Variants in BFSP2 observed in about 807,000 individuals in gnomAD.
BFSP2 encodes the protein phakinin.
A neutral mutation model predicts 44.9 loss-of-function variants in BFSP2; 38 were observed. That is an observed-to-expected ratio of 0.85 (90% CI 0.65 to 1.11). The LOEUF (loss-of-function observed/expected upper bound fraction) is 1.11, where lower values mean the gene tolerates loss of function less well. BFSP2 is among the 50% of genes least tolerant of loss of function. The probability of loss-of-function intolerance (pLI) is 0.00; values close to 1 mark genes in which losing one functional copy is unlikely to be tolerated. For synonymous variants in BFSP2, 197 were observed against 209.9 expected (o/e 0.94, Z 0.53); for missense variants, 525 against 533.0 (o/e 0.99, Z 0.15).
At chr3:133,428,825 C>T (rs61008520) in intron 1 of BFSP2, among the ~76,000 whole-genome samples, 28,404 of 152,186 alleles carry the variant, frequency 0.19, 4,013 homozygotes, top group African/African-American at 0.4. Flanking sequence ...TCTGACCTGC[C>T]TTCTCCATCA....
chr3:133,454,000 C>A (rs2073990691), intron 4 of BFSP2, among the ~76,000 whole-genome samples: 1 of 152,152 alleles, frequency 6.6e-6, no homozygotes, highest in African/African-American at 2.4e-5. Flanking sequence ...ATGACAGGAT[C>A]AGATTGGTCC....
At chr3:133,454,783 T>G (rs1173321956) in intron 4 of BFSP2, among the ~76,000 whole-genome samples, 1 of 152,248 alleles carries the variant, frequency 6.6e-6, no homozygotes, top group Non-Finnish European at 1.5e-5. Flanking sequence ...GACTCTATTA[T>G]AATAACACTT....
chr3:133,457,872 A>T (rs2074026456), intron 4 of BFSP2, among the ~76,000 whole-genome samples: 1 of 152,190 alleles, frequency 6.6e-6, no homozygotes, highest in South Asian at 2.1e-4. Context: ...GATGCCCCAG[A>T]ATTTGTTTAG....
At chr3:133,410,993 C>T (rs534789793) in intron 1 of BFSP2, 4 of 152,204 alleles carry the variant, frequency 2.6e-5, no homozygotes, top group African/African-American at 9.7e-5. Context: ...TGAGCCACTT[C>T]CAAGTGAATC....
intron 1 of BFSP2, among the ~76,000 whole-genome samples, chr3:133,430,251 A>T (rs2073699134): frequency 6.6e-6 from 1 of 152,024 alleles, no homozygotes; most frequent in Admixed American, 6.5e-5. Flanking sequence ...CATGATTTAT[A>T]ATCCTTTGGG....
At chr3:133,430,223 C>T (rs1230194023) in intron 1 of BFSP2, among the ~76,000 whole-genome samples, 1 of 152,004 alleles carries the variant, frequency 6.6e-6, no homozygotes, top group African/African-American at 2.4e-5. Context: ...CATACGTGTG[C>T]ATGTGTCTTT....
At chr3:133,470,609 T>C (rs1400365300) in intron 5 of BFSP2, among the ~76,000 whole-genome samples, 1 of 152,178 alleles carries the variant, frequency 6.6e-6, no homozygotes. Flanking sequence ...GAAAGAAGTT[T>C]CCAGTCTAAT....
At chr3:133,472,280 A>G (rs1418590454) in intron 5 of BFSP2, 65 bp from the exon 6 acceptor site, 52 of 1,527,438 alleles carry the variant, frequency 3.4e-5, no homozygotes, top group Non-Finnish European at 4.2e-5. Flanking sequence ...ACTGCTCTGC[A>G]CACCTCCCTC....
At chr3:133,409,078 CGAA>C (rs1321281248) in intron 1 of BFSP2, among the ~76,000 whole-genome samples, 9 of 152,258 alleles carry the variant, frequency 5.9e-5, no homozygotes, top group Non-Finnish European at 1.0e-4. Context: ...CATAGTCACA[CGAA>C]GAAGAACTAT....
At chr3:133,431,508 C>T (rs2107905646) in intron 1 of BFSP2, among the ~76,000 whole-genome samples, 1 of 152,268 alleles carries the variant, frequency 6.6e-6, no homozygotes, top group Middle Eastern at 3.4e-3. Context: ...TCGGACTGTT[C>T]AACTCACCTG....
In BFSP2 at chr3:133,425,991, AGGGC is replaced by A. The variant is rs2073650022; in HGVS notation, c.490-21325_490-21322del. 9.1e-5 allele frequency among the ~76,000 whole-genome samples: 3 copies of A among 33,036 alleles called. 1 individual carries two copies. Among genetic ancestry groups the A allele is most frequent in the Non-Finnish European group, 1.6e-4 (3 of 18,666 alleles). The allele number at this position is 33,036 out of a possible 152,430, so 21.7% of individuals were successfully genotyped here. The stretch of plus-strand genomic sequence containing the variant: ...GGGATGGGGGAGGGGAAGGCAGGGC[AGGGC>A]AGGGCAGGGAAAGGAAGGGAAGGGA... On this transcript the variant is annotated intron_variant, in intron 1 of 6. Coordinates refer to ENST00000302334, the MANE Select transcript of BFSP2 (RefSeq NM_003571.4).
chr3:133,405,118 G>A (rs2073393594), intron 1 of BFSP2, among the ~76,000 whole-genome samples: 1 of 152,216 alleles, frequency 6.6e-6, no homozygotes, highest in Non-Finnish European at 1.5e-5. Flanking sequence ...TGGGGTCAGA[G>A]GAGCAGCCCT....
intron 1 of BFSP2, among the ~76,000 whole-genome samples, chr3:133,439,207 C>A (rs539502972): frequency 6.6e-6 from 1 of 152,172 alleles, no homozygotes; most frequent in Admixed American, 6.5e-5. Flanking sequence ...TGCTTCTATG[C>A]GGGGTTTTTA....
rs990902025 is a variant in BFSP2, at chr3:133,448,734, C to T, written c.729+89C>T. 23 of 1,502,366 alleles carry T rather than the reference C, an allele frequency of 1.5e-5. No individual in the cohort carries two copies. The African/African-American group carries it at 2.6e-4, about 17-fold the overall frequency. 93.1% of individuals were successfully genotyped at this position (1,502,366 alleles called of 1,614,324 possible). A position where few individuals can be genotyped will look rare whatever the true frequency, so the allele number is the denominator to read the frequency against. ...GCTTCATAACAAGGCCACAGTAGCT[C>T]ATTTCTGACTCTCCACATTGCGTGC... On this transcript the variant is annotated intron_variant, in intron 3 of 6. Coordinates refer to ENST00000302334, the MANE Select transcript of BFSP2 (RefSeq NM_003571.4).
intron 1 of BFSP2, among the ~76,000 whole-genome samples, chr3:133,430,066 C>A (rs2073696724): frequency 1.3e-5 from 2 of 151,450 alleles, no homozygotes; most frequent in Non-Finnish European, 2.9e-5. Flanking sequence ...TCATCCATGT[C>A]CCTACAAAGG....
At position 133,452,462 on chromosome 3, in the gene BFSP2, C is replaced by T. The variant is rs76212390; in HGVS notation, c.891+1998C>T. Among the ~76,000 whole-genome samples the T allele has an allele frequency of 1.4e-3, 213 of 152,294 alleles. 1 individual carries two copies. The highest frequency in any genetic ancestry group is 4.9e-3 in the African/African-American group (203 of 41,548). On this transcript the variant is annotated intron_variant, in intron 4 of 6. Transcript: ENST00000302334. Reference sequence around the variant, plus strand: ...ATTCAAAAAATGACTTCCCCTCGCCCCACCCAACCTGATGAGAAGTGGAGC... The same window carrying T: ...ATTCAAAAAATGACTTCCCCTCGCCTCACCCAACCTGATGAGAAGTGGAGC...
At chr3:133,441,902 G>A (rs2073848829) in intron 1 of BFSP2, among the ~76,000 whole-genome samples, 1 of 152,196 alleles carries the variant, frequency 6.6e-6, no homozygotes, top group Non-Finnish European at 1.5e-5. Context: ...CAGAATGAGG[G>A]AGCTATTCAT....
chr3:133,470,855 G>A (rs1262060635), intron 5 of BFSP2, among the ~76,000 whole-genome samples: 1 of 152,202 alleles, frequency 6.6e-6, no homozygotes, highest in Non-Finnish European at 1.5e-5. Flanking sequence ...TGGAAATACA[G>A]AGGGTCTCCT....
At chr3:133,465,698 G>A (rs1405194832) in intron 4 of BFSP2, among the ~76,000 whole-genome samples, 12 of 152,200 alleles carry the variant, frequency 7.9e-5, no homozygotes, top group African/African-American at 2.9e-4. Flanking sequence ...GATCAAGTTG[G>A]ATAACTCCTG....
Sources: gnomAD v4.1 joint callset for allele counts (sites outside exome capture counted in the v4.1 genomes callset) on GRCh38, gnomAD v4.1.1 for gene constraint, MANE v1.5 for transcripts, NCBI Gene and HGNC (gene_info 2026-07-23, HGNC 2026-07-21) for gene names.